Variants in DISC1 observed in about 807,000 individuals in gnomAD.
DISC1 encodes DISC1 scaffold protein, also known as disrupted in schizophrenia 1 protein.
DISC1 carries 57 observed loss-of-function variants against 84.5 expected under a neutral mutation model. The observed-to-expected ratio is 0.67, with a 90% CI of 0.55 to 0.84. The LOEUF (loss-of-function observed/expected upper bound fraction) is 0.84. DISC1 is among the 40% of genes least tolerant of loss of function. The probability of loss-of-function intolerance (pLI) is 0.00; values close to 1 mark genes in which losing one functional copy is unlikely to be tolerated. For synonymous variants in DISC1, 411 were observed against 415.2 expected, an observed-to-expected ratio of 0.99 and a Z score of 0.12; for missense variants, 1,000 against 1,057.8, an observed-to-expected ratio of 0.95 and a Z score of 0.76.
At chr1:231,880,077 C>G (rs576124942) in intron 9 of DISC1, among the ~76,000 whole-genome samples, 58 of 152,268 alleles carry the variant, frequency 3.8e-4, no homozygotes, top group African/African-American at 1.4e-3. Flanking sequence ...ATCATGAGTG[C>G]TTTGCTTTTA....
At chr1:231,722,414 A>G (rs909328517) in intron 3 of DISC1, 21 of 1,471,874 alleles carry the variant, frequency 1.4e-5, no homozygotes, top group Admixed American at 1.9e-5. Context: ...AGATCTTTCT[A>G]CTTATCCACA....
chr1:231,631,329 A>G (rs1423804935), intron 1 of DISC1, among the ~76,000 whole-genome samples: 5 of 152,210 alleles, frequency 3.3e-5, no homozygotes, highest in African/African-American at 9.7e-5. Context: ...TGGGCTGTCA[A>G]TTTCCTAATG....
intron 9 of DISC1, among the ~76,000 whole-genome samples, chr1:231,946,053 T>C (rs1338743861): frequency 1.3e-5 from 2 of 152,140 alleles, no homozygotes; most frequent in Non-Finnish European, 2.9e-5. Context: ...CTGGTACCAT[T>C]CCTTCTGAAA....
At chr1:231,732,199 T>C (rs979443004) in intron 3 of DISC1, among the ~76,000 whole-genome samples, 1 of 152,216 alleles carries the variant, frequency 6.6e-6, no homozygotes, top group African/African-American at 2.4e-5. Flanking sequence ...TTGAGTTTGA[T>C]AGCATAGCAA....
At chr1:231,764,995 T>C (rs2076054232) in intron 4 of DISC1, among the ~76,000 whole-genome samples, 1 of 151,974 alleles carries the variant, frequency 6.6e-6, no homozygotes, top group South Asian at 2.1e-4. Context: ...ATCGAGACCA[T>C]CCTGGCCAAC....
chr1:231,766,190 T>C (rs951200190), intron 4 of DISC1, among the ~76,000 whole-genome samples: 4 of 148,946 alleles, frequency 2.7e-5, no homozygotes, highest in African/African-American at 5.0e-5. Context: ...TTCGGGAGGC[T>C]GAGGCAGGAG....
chr1:231,712,291 G>A (rs770170729), intron 3 of DISC1, among the ~76,000 whole-genome samples: 2 of 152,202 alleles, frequency 1.3e-5, no homozygotes, highest in Non-Finnish European at 2.9e-5. Context: ...CTGTAAGTTT[G>A]TGGTAATTAG....
intron 6 of DISC1, among the ~76,000 whole-genome samples, chr1:231,779,557 T>G (rs1200056718): frequency 1.4e-5 from 2 of 139,332 alleles, no homozygotes; most frequent in East Asian, 2.1e-4. Flanking sequence ...TTGTTTTTTT[T>G]TTTTTTTTTT....
chr1:231,879,199 G>A (rs984287431), intron 9 of DISC1, among the ~76,000 whole-genome samples: 2 of 151,756 alleles, frequency 1.3e-5, no homozygotes, highest in Non-Finnish European at 2.9e-5. Context: ...TCCTTTGAGC[G>A]TCATGTCAGT....
chr1:231,770,330 C>T (rs1341446969), intron 5 of DISC1, among the ~76,000 whole-genome samples: 4 of 152,068 alleles, frequency 2.6e-5, no homozygotes, highest in African/African-American at 9.7e-5. Flanking sequence ...TGCATGGCAC[C>T]ATCTGCAGCA....
intron 5 of DISC1, 79 bp downstream of exon 5, chr1:231,767,348 G>A (rs182164422): frequency 1.9e-6 from 3 of 1,570,234 alleles, no homozygotes; most frequent in East Asian, 4.7e-5. Flanking sequence ...TGTTGCCTAG[G>A]TTGGAGGGCA....
chr1:231,805,143 G>A (rs1034883443), intron 8 of DISC1, among the ~76,000 whole-genome samples: 6 of 152,068 alleles, frequency 3.9e-5, no homozygotes, highest in African/African-American at 1.2e-4. Context: ...CCTTTTCACT[G>A]TACACACCTT....
rs1198898537 is a variant in DISC1 at position 231,640,524 on chromosome 1, T to A, written c.67+13590T>A. Among the ~76,000 whole-genome samples the A allele has an allele frequency of 2.2e-5, 3 of 137,398 alleles. No homozygotes were observed. The East Asian group carries it at 7.8e-4, about 36-fold the overall frequency. The allele number at this position is 137,398 out of a possible 152,430, so 90.1% of individuals were successfully genotyped here. A position where few individuals can be genotyped will look rare whatever the true frequency, so the allele number is the denominator to read the frequency against. On this transcript the variant is annotated intron_variant, in intron 1 of 12. Coordinates refer to ENST00000439617, the MANE Select transcript of DISC1 (RefSeq NM_018662.3). ...AAACTGTGGGCTCACCAGACCTCCT[T>A]GGTATTTTTTTTTTTTTTTTTTGAG...
chr1:231,739,749 G>A (rs114723107), intron 3 of DISC1, among the ~76,000 whole-genome samples: 2,767 of 152,276 alleles, frequency 0.018, 39 homozygotes, highest in Middle Eastern at 0.044. Flanking sequence ...AATAAACATG[G>A]CATTTGAAAG....
Position 231,884,563 on chromosome 1 carries a change from C to T in DISC1, c.1981+66046C>T, listed in dbSNP as rs182296881. 6.8e-5 allele frequency among the ~76,000 whole-genome samples: 10 copies of T among 146,170 alleles called. No individual in the cohort carries two copies. The East Asian group carries it at 7.7e-4, about 11-fold the overall frequency. ...TGAATAGTGCTGCAATGAACATACG[C>T]GTGCATGTGACTTTATGATGAAACA... On this transcript the variant is annotated intron_variant, in intron 9 of 12. Coordinates refer to ENST00000439617, the MANE Select transcript of DISC1 (RefSeq NM_018662.3).
At chr1:231,860,158 ATAGTT>A (rs2084546187) in intron 9 of DISC1, among the ~76,000 whole-genome samples, 1 of 152,196 alleles carries the variant, frequency 6.6e-6, no homozygotes, top group Admixed American at 6.5e-5. Flanking sequence ...TTAACTCTAA[ATAGTT>A]TAGGGTTTTA....
Position 231,772,538 on chromosome 1 carries a change from C to T in DISC1, c.1634+1468C>T, listed in dbSNP as rs74602972. Among the ~76,000 whole-genome samples, 117 of 152,178 alleles carry T rather than the reference C, an allele frequency of 7.7e-4. No individual in the cohort carries two copies. The East Asian group carries it at 0.02, about 26-fold the overall frequency. Reference sequence around the variant, plus strand: ...ACTCCTCACTCAACTCATTATTGGCCGATTTGAGGAAAGGGGTGTTGATAA... The same window carrying T: ...ACTCCTCACTCAACTCATTATTGGCTGATTTGAGGAAAGGGGTGTTGATAA... On this transcript the variant is annotated intron_variant, in intron 6 of 12. Transcript: ENST00000439617.
chr1:231,949,190 A>C (rs1657870304), intron 9 of DISC1, among the ~76,000 whole-genome samples: 1 of 152,124 alleles, frequency 6.6e-6, no homozygotes, highest in Non-Finnish European at 1.5e-5. Context: ...TTTTTTACAC[A>C]TACTTGTTCA....
Position 231,698,881 on chromosome 1 carries a change from T to C in DISC1, c.1048-3074T>C, listed in dbSNP as rs2066041553. 6.6e-6 allele frequency among the ~76,000 whole-genome samples: 1 copy of C among 152,246 alleles called. No homozygotes were observed. The highest frequency in any genetic ancestry group is 2.1e-4 in the South Asian group (1 of 4,830). ...TAGAACAATTCAAAGACAAAGGGGT[T>C]AATATGATTATTCATTCATTCTTTC... is the stretch of plus-strand genomic sequence containing the variant. On this transcript the variant is annotated intron_variant, in intron 2 of 12. Coordinates refer to ENST00000439617, the MANE Select transcript of DISC1 (RefSeq NM_018662.3). The surrounding 1 kb of genome is among the most constrained non-coding windows in gnomAD (Gnocchi z 4.9).
Sources: gnomAD v4.1 joint callset for allele counts (sites outside exome capture counted in the v4.1 genomes callset) on GRCh38, gnomAD v4.1.1 for gene constraint, Gnocchi (gnomAD v3.1) non-coding constraint, MANE v1.5 for transcripts, NCBI Gene and HGNC (gene_info 2026-07-23, HGNC 2026-07-21) for gene names.